DACH1: variants seen among roughly 807,000 people sequenced by gnomAD.
The protein encoded by DACH1 is dachshund homolog 1.
DACH1 carries 12 observed loss-of-function variants against 54.2 expected under a neutral mutation model. The ratio of observed to expected loss-of-function variants is 0.22; its 90% CI spans 0.14 to 0.36. DACH1 has a LOEUF of 0.36. DACH1 is among the 10% of genes least tolerant of loss of function. The pLI is 1.00. For missense variants in DACH1, 805 were observed against 929.8 expected, an observed-to-expected ratio of 0.87 and a Z score of 1.75; for synonymous variants, 386 against 366.2, an observed-to-expected ratio of 1.05 and a Z score of -0.62.
intron 2 of DACH1, among the ~76,000 whole-genome samples, chr13:71,678,215 T>C (rs988948816): frequency 6.6e-6 from 1 of 152,208 alleles, no homozygotes; most frequent in African/African-American, 2.4e-5. Flanking sequence ...CCAAATACAC[T>C]AAAGCATTCG....
chr13:71,790,154 G>T (rs1594225494), intron 1 of DACH1, among the ~76,000 whole-genome samples: 1 of 152,224 alleles, frequency 6.6e-6, no homozygotes. Context: ...TTCAGTATGT[G>T]ATATTAAAAA....
At chr13:71,678,211 A>G (rs1441720969) in intron 2 of DACH1, among the ~76,000 whole-genome samples, 1 of 152,252 alleles carries the variant, frequency 6.6e-6, no homozygotes, top group Non-Finnish European at 1.5e-5. Flanking sequence ...TTCCCCAAAT[A>G]CACTAAAGCA....
At chr13:71,859,735 T>A (rs1874232311) in intron 1 of DACH1, among the ~76,000 whole-genome samples, 1 of 151,912 alleles carries the variant, frequency 6.6e-6, no homozygotes, top group Non-Finnish European at 1.5e-5. Context: ...TCCTTGGTAT[T>A]CTTGTTTTCC....
At chr13:71,526,743 TATA>T (rs541523328) in intron 6 of DACH1, among the ~76,000 whole-genome samples, 166 of 151,044 alleles carry the variant, frequency 1.1e-3, no homozygotes, top group South Asian at 6.9e-3. Context: ...TATATGTATG[TATA>T]ATAACTAATA....
chr13:71,529,341 C>G (rs1325376386), intron 6 of DACH1, among the ~76,000 whole-genome samples: 1 of 151,942 alleles, frequency 6.6e-6, no homozygotes, highest in Non-Finnish European at 1.5e-5. Flanking sequence ...CGCTTGACAC[C>G]ACGCCCAGCT....
In DACH1 at chr13:71,757,527, T is replaced by C. The variant is rs951180234; in HGVS notation, c.849-75617A>G. On this transcript the variant is annotated intron_variant, in intron 1 of 10. Transcript: ENST00000613252. The stretch of plus-strand genomic sequence containing the variant: ...CAAGAGAATTTTTAAAGGTACTTTT[T>C]TTTTTTTTTTTTTTGAGACAGAGTC... Among the ~76,000 whole-genome samples the C allele has an allele frequency of 5.8e-4, 87 of 150,890 alleles. 1 individual carries two copies. Among genetic ancestry groups the C allele is most frequent in the Non-Finnish European group, 1.1e-3 (72 of 67,662 alleles).
intron 6 of DACH1, among the ~76,000 whole-genome samples, chr13:71,541,824 G>T (rs1270389309): frequency 6.6e-6 from 1 of 151,382 alleles, no homozygotes; most frequent in Non-Finnish European, 1.5e-5. Flanking sequence ...ATGAGTTGCA[G>T]TAGAATTCTA....
chr13:71,597,163 A>G (rs907613127), intron 3 of DACH1, among the ~76,000 whole-genome samples: 1 of 152,142 alleles, frequency 6.6e-6, no homozygotes, highest in Admixed American at 6.6e-5. Context: ...GGTTTTTCTG[A>G]GCTAGAACCT....
intron 1 of DACH1, among the ~76,000 whole-genome samples, chr13:71,687,512 T>C (rs547741595): frequency 6.6e-6 from 1 of 152,172 alleles, no homozygotes; most frequent in Non-Finnish European, 1.5e-5. Context: ...AAATACTGAA[T>C]GCTTATCTTT....
At chr13:71,640,293 T>C (rs573977306) in intron 2 of DACH1, among the ~76,000 whole-genome samples, 5 of 152,128 alleles carry the variant, frequency 3.3e-5, no homozygotes, top group African/African-American at 1.2e-4. Flanking sequence ...TTGACTCCAC[T>C]TAGAAATCTG....
chr13:71,700,590 G>T (rs1269355671), intron 1 of DACH1, among the ~76,000 whole-genome samples: 1 of 142,278 alleles, frequency 7.0e-6, no homozygotes, highest in South Asian at 2.3e-4. Flanking sequence ...AAAAAAGAGA[G>T]AGAGAGAGAG....
At chr13:71,526,221 T>C (rs972089549) in intron 6 of DACH1, among the ~76,000 whole-genome samples, 11 of 152,176 alleles carry the variant, frequency 7.2e-5, no homozygotes, top group African/African-American at 2.4e-4. Flanking sequence ...AGTCTTGTGA[T>C]ATTACATGCA....
chr13:71,798,323 CATAT>C (rs35310464), intron 1 of DACH1, among the ~76,000 whole-genome samples: 19,178 of 95,586 alleles, frequency 0.2, 1,623 homozygotes, highest in Non-Finnish European at 0.26. Context: ...TTGTTACATA[CATAT>C]ATATATATAT....
chr13:71,756,044 C>A (rs1450800223), intron 1 of DACH1, among the ~76,000 whole-genome samples: 1 of 147,566 alleles, frequency 6.8e-6, no homozygotes, highest in African/African-American at 2.5e-5. Flanking sequence ...TTTTTTTTTT[C>A]TTTTAAGACG....
intron 6 of DACH1, among the ~76,000 whole-genome samples, chr13:71,524,492 G>C (rs897187236): frequency 6.6e-6 from 1 of 152,016 alleles, no homozygotes; most frequent in Non-Finnish European, 1.5e-5. Flanking sequence ...TTGGTCTTTC[G>C]ATACTGTAAT....
At chr13:71,672,604 G>C (rs938569149) in intron 2 of DACH1, among the ~76,000 whole-genome samples, 4 of 152,016 alleles carry the variant, frequency 2.6e-5, no homozygotes, top group African/African-American at 9.7e-5. Flanking sequence ...AAAGGGAAAG[G>C]CTAAAATAAA....
At chr13:71,707,070 T>G (rs927964385) in intron 1 of DACH1, among the ~76,000 whole-genome samples, 2 of 152,228 alleles carry the variant, frequency 1.3e-5, no homozygotes, top group Non-Finnish European at 2.9e-5. Flanking sequence ...GAGTATCTCT[T>G]CCTGTGAGGA....
chr13:71,785,272 A>G (rs189813737), intron 1 of DACH1, among the ~76,000 whole-genome samples: 284 of 152,322 alleles, frequency 1.9e-3, no homozygotes, highest in Non-Finnish European at 2.5e-3. Flanking sequence ...ACAAAGTTAC[A>G]TAAGTGTGTC....
At chr13:71,771,625 T>C (rs1412163348) in intron 1 of DACH1, among the ~76,000 whole-genome samples, 1 of 151,520 alleles carries the variant, frequency 6.6e-6, no homozygotes, top group East Asian at 1.9e-4. Flanking sequence ...TGACCTGATT[T>C]GGTGGAAATT....
Sources: gnomAD v4.1 joint callset for allele counts (sites outside exome capture counted in the v4.1 genomes callset) on GRCh38, gnomAD v4.1.1 for gene constraint, MANE v1.5 for transcripts, NCBI Gene and HGNC (gene_info 2026-07-23, HGNC 2026-07-21) for gene names.